The following IL1RAPL1 variants were observed in gnomAD, a reference collection of about 807,000 sequenced individuals.
IL1RAPL1 encodes interleukin-1 receptor accessory protein-like 1.
IL1RAPL1 carries 3 observed loss-of-function variants against 48.4 expected under a neutral mutation model. The ratio of observed to expected loss-of-function variants is 0.06; its 90% confidence interval spans 0.03 to 0.16. The LOEUF (loss-of-function observed/expected upper bound fraction) is 0.16, where lower values mean the gene tolerates loss of function less well. IL1RAPL1 is among the 10% of genes least tolerant of loss of function. IL1RAPL1 has a pLI of 1.00. For missense variants in IL1RAPL1, 349 were observed against 530.6 expected (o/e 0.66, Z 3.36); for synonymous variants, 185 against 187.7 (o/e 0.99, Z 0.12).
intron 3 of IL1RAPL1, among the ~76,000 whole-genome samples, chrX:29,323,991 C>G (rs1239609623): frequency 5.7e-5 from 6 of 105,722 alleles, no homozygotes; most frequent in Non-Finnish European, 1.2e-4. Flanking sequence ...TTTTGTACCT[C>G]TTGTTTACTA....
At chrX:29,722,661 C>G (rs1194443572) in intron 6 of IL1RAPL1, among the ~76,000 whole-genome samples, 1 of 111,517 alleles carries the variant, frequency 9.0e-6, no homozygotes, top group Non-Finnish European at 1.9e-5. Flanking sequence ...CCATTCTTTT[C>G]GTGATTATTA....
chrX:29,335,993 GTTGT>G (rs1038268550), intron 3 of IL1RAPL1, among the ~76,000 whole-genome samples: 2 of 108,271 alleles, frequency 1.8e-5, no homozygotes, highest in African/African-American at 6.7e-5. Flanking sequence ...AGACTTTTTG[GTTGT>G]TTATGGAAAT....
At chrX:28,804,880 G>A (rs1936712621) in intron 2 of IL1RAPL1, among the ~76,000 whole-genome samples, 1 of 111,281 alleles carries the variant, frequency 9.0e-6, no homozygotes, top group African/African-American at 3.3e-5. Flanking sequence ...AAAATAGTTT[G>A]ATATGGATGG....
chrX:29,939,748 T>G (rs762275989), intron 8 of IL1RAPL1, among the ~76,000 whole-genome samples: 2 of 112,486 alleles, frequency 1.8e-5, no homozygotes, highest in South Asian at 7.3e-4. Context: ...CAATTTCCCA[T>G]TTAATTTTAA....
At chrX:29,180,427 A>G (rs974241749) in intron 2 of IL1RAPL1, among the ~76,000 whole-genome samples, 27 of 109,668 alleles carry the variant, frequency 2.5e-4, no homozygotes, top group African/African-American at 9.0e-4. Flanking sequence ...CCCAGGCTGG[A>G]GTGCAATGGT....
intron 2 of IL1RAPL1, among the ~76,000 whole-genome samples, chrX:29,206,226 CTTTA>C (rs1930662850): frequency 9.1e-6 from 1 of 110,283 alleles, no homozygotes; most frequent in African/African-American, 3.3e-5. Flanking sequence ...GCCCATTTTC[CTTTA>C]TTTATTTTGT....
intron 2 of IL1RAPL1, among the ~76,000 whole-genome samples, chrX:28,797,222 A>T (rs1936623585): frequency 1.9e-5 from 2 of 107,399 alleles, no homozygotes; most frequent in Admixed American, 2.0e-4. Context: ...TGCTATGAAA[A>T]CCTCTGACAT....
At chrX:29,406,216 T>A (rs992865809) in intron 5 of IL1RAPL1, among the ~76,000 whole-genome samples, 23 of 110,968 alleles carry the variant, frequency 2.1e-4, no homozygotes, top group African/African-American at 2.6e-4. Context: ...GGTGGAACCC[T>A]GTCTCTACTA....
At chrX:29,577,673 T>G (rs773039750) in intron 5 of IL1RAPL1, among the ~76,000 whole-genome samples, 28 of 112,008 alleles carry the variant, frequency 2.5e-4, no homozygotes, top group Admixed American at 2.4e-3. Flanking sequence ...TGCTAACTTT[T>G]CCCAATGTTC....
At chrX:28,673,050 G>A (rs965256921) in intron 1 of IL1RAPL1, among the ~76,000 whole-genome samples, 4 of 111,547 alleles carry the variant, frequency 3.6e-5, no homozygotes, top group African/African-American at 9.8e-5. Flanking sequence ...GAGAACATGT[G>A]GTATTTGGTT....
At chrX:28,797,087 C>T (rs986998826) in intron 2 of IL1RAPL1, among the ~76,000 whole-genome samples, 4 of 112,298 alleles carry the variant, frequency 3.6e-5, no homozygotes, top group Non-Finnish European at 7.5e-5. Flanking sequence ...CCCTTTCAGC[C>T]ACAGCTGGAG....
chrX:29,705,208 A>G (rs776220666), intron 6 of IL1RAPL1, among the ~76,000 whole-genome samples: 11 of 111,755 alleles, frequency 9.8e-5, no homozygotes, highest in Non-Finnish European at 1.9e-4. Context: ...CGTGTCTATT[A>G]CTTCTTTTTT....
chrX:29,481,704 G>A (rs1004552952), intron 5 of IL1RAPL1, among the ~76,000 whole-genome samples: 12 of 111,804 alleles, frequency 1.1e-4, no homozygotes, highest in African/African-American at 2.0e-4. Context: ...TTCCTGCCTC[G>A]TGGAAACTAA....
chrX:28,900,396 A>T (rs1259149965), intron 2 of IL1RAPL1, among the ~76,000 whole-genome samples: 5 of 111,901 alleles, frequency 4.5e-5, no homozygotes. Flanking sequence ...TAGTTTTTCT[A>T]CAAAAATCAA....
chrX:29,465,889 G>T (rs1934857165), intron 5 of IL1RAPL1, among the ~76,000 whole-genome samples: 2 of 111,350 alleles, frequency 1.8e-5, no homozygotes, highest in East Asian at 5.7e-4. Flanking sequence ...TCCACCAATA[G>T]GATGCTCATA....
At chrX:29,158,011 A>G (rs1156734103) in intron 2 of IL1RAPL1, among the ~76,000 whole-genome samples, 2 of 111,774 alleles carry the variant, frequency 1.8e-5, no homozygotes, top group East Asian at 5.6e-4. Context: ...GAAGGAAGAG[A>G]ATAAAGGACT....
chrX:29,212,372 G>A (rs749558239), intron 2 of IL1RAPL1, among the ~76,000 whole-genome samples: 2 of 111,172 alleles, frequency 1.8e-5, no homozygotes, highest in South Asian at 3.8e-4. Flanking sequence ...GCAGTGGCAC[G>A]ATCTCAGCTC....
intron 2 of IL1RAPL1, among the ~76,000 whole-genome samples, chrX:28,990,963 G>A (rs1925589943): frequency 8.9e-6 from 1 of 111,854 alleles, no homozygotes; most frequent in South Asian, 3.7e-4. Flanking sequence ...AAAAGTAGAT[G>A]ACTAAACAAA....
At chrX:28,615,183 T>C (rs1206286987) in intron 1 of IL1RAPL1, among the ~76,000 whole-genome samples, 4 of 96,905 alleles carry the variant, frequency 4.1e-5, no homozygotes, top group African/African-American at 7.6e-5. Flanking sequence ...GCACTGCGCC[T>C]GGCCAACTGT....
Sources: allele counts gnomAD v4.1 joint callset (sites outside exome capture counted in the v4.1 genomes callset), GRCh38; gene constraint gnomAD v4.1.1; transcripts MANE v1.5; gene names NCBI Gene and HGNC (gene_info 2026-07-23, HGNC 2026-07-21).